Variants in PRORP observed in about 807,000 individuals in gnomAD.
PRORP encodes the protein mitochondrial ribonuclease P catalytic subunit.
Under a neutral mutation model 59.4 loss-of-function variants are expected in PRORP, and 51 were observed. That is an observed-to-expected ratio of 0.86 (90% CI 0.69 to 1.08). The LOEUF (loss-of-function observed/expected upper bound fraction) is 1.08, where lower values mean the gene tolerates loss of function less well. PRORP is among the 50% of genes least tolerant of loss of function. The pLI, the probability that PRORP is intolerant of heterozygous loss-of-function variation, is 0.00. For missense variants in PRORP, 646 were observed against 690.3 expected (o/e 0.94, Z 0.72); for synonymous variants, 231 against 245.6 (o/e 0.94, Z 0.55).
At chr14:35,262,523 G>C in intron 5 of PRORP, 1 of 615,166 alleles carries the variant, frequency 1.6e-6, no homozygotes, top group South Asian at 1.6e-5. Flanking sequence ...ACTCTGAAGG[G>C]ACACACAGTT....
At chr14:35,133,071 G>A (rs899511627) in intron 4 of PRORP, among the ~76,000 whole-genome samples, 9 of 151,912 alleles carry the variant, frequency 5.9e-5, no homozygotes, top group Non-Finnish European at 8.8e-5. Flanking sequence ...ACAGGTTCAC[G>A]TCACCACGCC....
chr14:35,137,211 G>T (rs2047395197), intron 4 of PRORP, among the ~76,000 whole-genome samples: 1 of 145,420 alleles, frequency 6.9e-6, no homozygotes, highest in Non-Finnish European at 1.5e-5. Context: ...TGGAGTCAAG[G>T]GAGGGTTTAG....
At chr14:35,126,353 A>T (rs1002786398) in intron 2 of PRORP, among the ~76,000 whole-genome samples, 4 of 152,262 alleles carry the variant, frequency 2.6e-5, no homozygotes, top group African/African-American at 9.6e-5. Context: ...TTGGGAATAC[A>T]GTACCACACA....
chr14:35,160,215 C>A (rs942663863), intron 4 of PRORP, among the ~76,000 whole-genome samples: 1 of 152,124 alleles, frequency 6.6e-6, no homozygotes, highest in African/African-American at 2.4e-5. Flanking sequence ...CTGGGATATC[C>A]CCAAGATTTC....
intron 4 of PRORP, among the ~76,000 whole-genome samples, chr14:35,143,589 G>T (rs1039756681): frequency 6.9e-6 from 1 of 145,968 alleles, no homozygotes; most frequent in African/African-American, 2.4e-5. Flanking sequence ...TTACATTTTT[G>T]CAGGTCTTTT....
rs2051165450 is a variant in PRORP at position 35,270,739 on chromosome 14, G to A, written c.1620+143G>A. On this transcript the variant is annotated intron_variant, in intron 7 of 7. Coordinates refer to ENST00000534898, the MANE Select transcript of PRORP (RefSeq NM_014672.4). ...TTAGGTTAGTATTTGGAACTAGCCAGGTCCTAGAAAGAGTCTGCTAGAGTT... is the reference window on the plus strand; with the variant it reads ...TTAGGTTAGTATTTGGAACTAGCCAAGTCCTAGAAAGAGTCTGCTAGAGTT... 5 of 773,674 alleles carry A rather than the reference G, an allele frequency of 6.5e-6. No individual in the cohort carries two copies. In the Admixed American group the frequency reaches 1.4e-4, roughly 22 times the overall value. The allele number at this position is 773,674 out of a possible 1,614,324, so 47.9% of individuals were successfully genotyped here. A position where few individuals can be genotyped will look rare whatever the true frequency, so the allele number is the denominator to read the frequency against.
At chr14:35,203,512 G>C (rs903990982) in intron 5 of PRORP, among the ~76,000 whole-genome samples, 2 of 152,080 alleles carry the variant, frequency 1.3e-5, no homozygotes, top group Non-Finnish European at 2.9e-5. Flanking sequence ...GCACGACAGA[G>C]TGATACCCTG....
chr14:35,189,821 G>T (rs2048837131), intron 5 of PRORP, among the ~76,000 whole-genome samples: 1 of 152,068 alleles, frequency 6.6e-6, no homozygotes. Flanking sequence ...TAAAAAATAA[G>T]CATAGCAGGC....
At chr14:35,187,837 A>C (rs376055806) in intron 5 of PRORP, among the ~76,000 whole-genome samples, 29 of 149,738 alleles carry the variant, frequency 1.9e-4, no homozygotes, top group East Asian at 1.4e-3. Context: ...ATGTATATTT[A>C]TTTTCTTTTC....
intron 5 of PRORP, among the ~76,000 whole-genome samples, chr14:35,221,150 A>G (rs903942619): frequency 6.6e-6 from 1 of 152,218 alleles, no homozygotes; most frequent in Admixed American, 6.5e-5. Flanking sequence ...ATAGGGGAGA[A>G]CGCAAGGTGG....
chr14:35,216,960 C>T (rs1439348841), intron 5 of PRORP, among the ~76,000 whole-genome samples: 1 of 152,064 alleles, frequency 6.6e-6, no homozygotes, highest in Non-Finnish European at 1.5e-5. Context: ...GGAGAAATGT[C>T]CATTCAGATC....
At chr14:35,151,556 A>G (rs1188753183) in intron 4 of PRORP, among the ~76,000 whole-genome samples, 3 of 151,328 alleles carry the variant, frequency 2.0e-5, no homozygotes, top group Non-Finnish European at 4.4e-5. Context: ...TCATATCCCC[A>G]TTCTAATCTG....
chr14:35,239,308 A>G (rs919487012), intron 5 of PRORP, among the ~76,000 whole-genome samples: 7 of 151,618 alleles, frequency 4.6e-5, no homozygotes, highest in Non-Finnish European at 1.0e-4. Flanking sequence ...AGATTGCAAC[A>G]CCGCACTCCA....
chr14:35,221,054 C>T (rs898764419), intron 5 of PRORP, among the ~76,000 whole-genome samples: 10 of 152,128 alleles, frequency 6.6e-5, no homozygotes, highest in Admixed American at 5.9e-4. Flanking sequence ...AGTACAAATG[C>T]CCACAAGTTG....
intron 4 of PRORP, among the ~76,000 whole-genome samples, chr14:35,149,576 G>C (rs1441156046): frequency 6.6e-6 from 1 of 152,056 alleles, no homozygotes; most frequent in Non-Finnish European, 1.5e-5. Flanking sequence ...AATTCTGCTG[G>C]CCTCCAACTT....
chr14:35,174,764 T>A (rs1308724306), intron 4 of PRORP, among the ~76,000 whole-genome samples: 5 of 145,096 alleles, frequency 3.4e-5, no homozygotes, highest in Non-Finnish European at 6.1e-5. Context: ...TTTTTTTTTT[T>A]ATTATACTTT....
chr14:35,122,628 A>C lies in PRORP; in HGVS notation c.-302A>C, dbSNP rs1319459890. ...TTGAATGAAGTGAACTTCATTTGTCAGCGTTCGGTACGCAGTCTAGGCAGC... is the reference window on the plus strand; with the variant it reads ...TTGAATGAAGTGAACTTCATTTGTCCGCGTTCGGTACGCAGTCTAGGCAGC... On this transcript the variant is annotated 5_prime_UTR_variant, in exon 1 of 8. Transcript: ENST00000534898. 6.5e-6 allele frequency: 1 copy of C among 154,524 alleles called. No individual in the cohort carries two copies. The highest frequency in any genetic ancestry group is 1.4e-5 in the Non-Finnish European group (1 of 69,328). The allele number at this position is 154,524 out of a possible 1,614,324, so 9.6% of individuals were successfully genotyped here. A position where few individuals can be genotyped will look rare whatever the true frequency, so the allele number is the denominator to read the frequency against.
chr14:35,126,844 A>C (rs2047111131), intron 3 of PRORP, 62 bp downstream of exon 3: 1 of 1,236,838 alleles, frequency 8.1e-7, no homozygotes, highest in Non-Finnish European at 1.2e-6. Flanking sequence ...TGTTGCTATT[A>C]ATTGAAAAAT....
At chr14:35,253,852 C>G (rs2050679912) in intron 5 of PRORP, among the ~76,000 whole-genome samples, 1 of 151,686 alleles carries the variant, frequency 6.6e-6, no homozygotes, top group Non-Finnish European at 1.5e-5. Flanking sequence ...TTCTTAGTAC[C>G]CCATCCTTCA....
Sources: allele counts gnomAD v4.1 joint callset (sites outside exome capture counted in the v4.1 genomes callset), GRCh38; gene constraint gnomAD v4.1.1; transcripts MANE v1.5; gene names NCBI Gene and HGNC (gene_info 2026-07-23, HGNC 2026-07-21).